KHDRBS3: variants seen among roughly 807,000 people sequenced by gnomAD.
The protein encoded by KHDRBS3 is KH domain-containing, RNA-binding, signal transduction-associated protein 3.
KHDRBS3 carries 23 observed loss-of-function variants against 45.6 expected under a neutral mutation model. The observed-to-expected ratio is 0.50, with a 90% CI of 0.36 to 0.72. KHDRBS3 has a LOEUF of 0.72. KHDRBS3 is among the 30% of genes least tolerant of loss of function. The probability of loss-of-function intolerance (pLI) is 0.00; values close to 1 mark genes in which losing one functional copy is unlikely to be tolerated. For synonymous variants in KHDRBS3, 162 were observed against 156.5 expected (o/e 1.04, Z -0.26); for missense variants, 352 against 424.8 (o/e 0.83, Z 1.51).
intron 1 of KHDRBS3, among the ~76,000 whole-genome samples, chr8:135,477,675 G>A (rs1013633561): frequency 6.6e-6 from 1 of 152,146 alleles, no homozygotes; most frequent in Non-Finnish European, 1.5e-5. Context: ...TACCTTACAT[G>A]GTAAAAGGTG....
chr8:135,618,524 C>G (rs2131076352), intron 7 of KHDRBS3, among the ~76,000 whole-genome samples: 1 of 152,186 alleles, frequency 6.6e-6, no homozygotes, highest in East Asian at 1.9e-4. Flanking sequence ...CCTAGTTTTT[C>G]TTAGTAGTTA....
At chr8:135,561,675 A>G (rs1282222534) in intron 5 of KHDRBS3, among the ~76,000 whole-genome samples, 1 of 152,120 alleles carries the variant, frequency 6.6e-6, no homozygotes, top group Non-Finnish European at 1.5e-5. Flanking sequence ...CATGCACCAC[A>G]AAATGACATT....
intron 7 of KHDRBS3, among the ~76,000 whole-genome samples, chr8:135,612,577 G>C (rs1472945965): frequency 6.6e-6 from 1 of 151,802 alleles, no homozygotes; most frequent in Non-Finnish European, 1.5e-5. Flanking sequence ...TGACAATTCA[G>C]GTTCCATAAG....
At chr8:135,578,843 C>T (rs1201517101) in intron 5 of KHDRBS3, among the ~76,000 whole-genome samples, 2 of 152,110 alleles carry the variant, frequency 1.3e-5, no homozygotes, top group African/African-American at 4.8e-5. Flanking sequence ...TGACCATGAA[C>T]GTGGATGTTA....
chr8:135,639,051 A>G (rs1830944103), intron 7 of KHDRBS3, among the ~76,000 whole-genome samples: 1 of 152,112 alleles, frequency 6.6e-6, no homozygotes, highest in South Asian at 2.1e-4. Context: ...TGAAGAAAGT[A>G]TGTCAAGGAA....
intron 7 of KHDRBS3, among the ~76,000 whole-genome samples, chr8:135,632,416 A>G (rs1830642775): frequency 6.7e-6 from 1 of 150,064 alleles, no homozygotes; most frequent in African/African-American, 2.5e-5. Context: ...CCTCTTCTCC[A>G]TTTGCTCTCT....
chr8:135,644,379 A>C (rs1004887381), intron 7 of KHDRBS3, among the ~76,000 whole-genome samples: 1 of 152,136 alleles, frequency 6.6e-6, no homozygotes, highest in Non-Finnish European at 1.5e-5. Context: ...TTGTGACTGG[A>C]CTGCAGAGAT....
chr8:135,644,125 A>T (rs1321889095), intron 7 of KHDRBS3, among the ~76,000 whole-genome samples: 1 of 152,182 alleles, frequency 6.6e-6, no homozygotes, highest in Non-Finnish European at 1.5e-5. Context: ...TTTCTCAAAT[A>T]CTCAGAATGG....
intron 1 of KHDRBS3, among the ~76,000 whole-genome samples, chr8:135,507,139 A>G (rs542601169): frequency 3.3e-5 from 5 of 152,302 alleles, no homozygotes; most frequent in South Asian, 4.1e-4. Flanking sequence ...ATTATTGGCA[A>G]ATTCTTCAAA....
Position 135,645,129 on chromosome 8 carries a change from G to A in KHDRBS3, c.949+12G>A. 3 of 1,613,270 alleles carry A rather than the reference G, an allele frequency of 1.9e-6. No homozygotes were observed. The highest frequency in any genetic ancestry group is 1.1e-5 in the South Asian group (1 of 91,050). ...TTATGATTCCTACGGTGAGTGACTG[G>A]CCAGAGCATGTGAAGAGAGGGAGGA... On this transcript the variant is annotated intron_variant, in intron 8 of 8. Transcript: ENST00000355849.
chr8:135,468,341 G>A (rs1291178390), intron 1 of KHDRBS3, among the ~76,000 whole-genome samples: 1 of 152,184 alleles, frequency 6.6e-6, no homozygotes. Context: ...TTCTTTTAGT[G>A]TGGAATGTTG....
At chr8:135,466,918 C>T (rs1586553418) in intron 1 of KHDRBS3, among the ~76,000 whole-genome samples, 1 of 152,234 alleles carries the variant, frequency 6.6e-6, no homozygotes, top group Non-Finnish European at 1.5e-5. Flanking sequence ...TCTATTCCCT[C>T]ATCTGCACAT....
At chr8:135,483,218 T>C (rs980073553) in intron 1 of KHDRBS3, among the ~76,000 whole-genome samples, 7 of 152,366 alleles carry the variant, frequency 4.6e-5, no homozygotes, top group African/African-American at 1.7e-4. Context: ...AGTTGCTGAT[T>C]ATATTTATGG....
At chr8:135,478,876 G>A (rs1440652887) in intron 1 of KHDRBS3, among the ~76,000 whole-genome samples, 1 of 152,128 alleles carries the variant, frequency 6.6e-6, no homozygotes, top group East Asian at 1.9e-4. Context: ...TCTCAAATAA[G>A]TTACCTAACC....
intron 5 of KHDRBS3, among the ~76,000 whole-genome samples, chr8:135,567,067 C>T (rs1827457863): frequency 1.3e-5 from 2 of 152,188 alleles, no homozygotes; most frequent in Non-Finnish European, 2.9e-5. Context: ...TAACTGCCTG[C>T]ATATTAACGC....
At chr8:135,629,851 A>G (rs1188691045) in intron 7 of KHDRBS3, among the ~76,000 whole-genome samples, 1 of 152,194 alleles carries the variant, frequency 6.6e-6, no homozygotes, top group Non-Finnish European at 1.5e-5. Flanking sequence ...AACCCCAGTA[A>G]ATTCAGTAAC....
intron 7 of KHDRBS3, chr8:135,626,061 T>G (rs1167881348): frequency 1.7e-6 from 1 of 571,950 alleles, no homozygotes; most frequent in Non-Finnish European, 3.2e-6. Context: ...CAAGAATGAA[T>G]GTTTGCTGAA....
intron 7 of KHDRBS3, among the ~76,000 whole-genome samples, chr8:135,608,032 G>A (rs893345396): frequency 1.3e-5 from 2 of 152,168 alleles, no homozygotes; most frequent in South Asian, 2.1e-4. Context: ...GCCCTTTGGT[G>A]TGTTGAGGGT....
intron 1 of KHDRBS3, chr8:135,458,993 C>T: frequency 2.2e-6 from 1 of 456,052 alleles, no homozygotes; most frequent in Non-Finnish European, 4.4e-6. Flanking sequence ...GTGGGTGCCA[C>T]TGGTCTGTCT....
Sources: allele counts gnomAD v4.1 joint callset (sites outside exome capture counted in the v4.1 genomes callset), GRCh38; gene constraint gnomAD v4.1.1; transcripts MANE v1.5; gene names NCBI Gene and HGNC (gene_info 2026-07-23, HGNC 2026-07-21).